KLHL29: variants seen among roughly 807,000 people sequenced by gnomAD.
KLHL29 encodes kelch-like protein 29.
Under a neutral mutation model 80.4 loss-of-function variants are expected in KLHL29, and 21 were observed. The ratio of observed to expected loss-of-function variants is 0.26; its 90% confidence interval spans 0.19 to 0.38. The LOEUF (loss-of-function observed/expected upper bound fraction) is 0.38, where lower values mean the gene tolerates loss of function less well. Ranked by LOEUF, KLHL29 falls within the 10% of genes least tolerant of loss-of-function variation. The pLI, the probability that KLHL29 is intolerant of heterozygous loss-of-function variation, is 1.00. For synonymous variants in KLHL29, 511 were observed against 526.8 expected, an observed-to-expected ratio of 0.97 and a Z score of 0.41; for missense variants, 867 against 1,223.9, an observed-to-expected ratio of 0.71 and a Z score of 4.35.
At chr2:23,686,140 G>A (rs1671247979) in intron 6 of KLHL29, among the ~76,000 whole-genome samples, 1 of 121,592 alleles carries the variant, frequency 8.2e-6, no homozygotes, top group South Asian at 3.3e-4. Flanking sequence ...GGCATGAGTG[G>A]GGAAGGGCAG....
At position 23,695,553 on chromosome 2, in the gene KLHL29, C is replaced by T. The variant is rs934970493; in HGVS notation, c.1543-70C>T. On this transcript the variant is annotated intron_variant, in intron 8 of 13. Coordinates refer to ENST00000486442, the MANE Select transcript of KLHL29 (RefSeq NM_052920.2). This position sits in a 1 kb window ranked among gnomAD's most constrained non-coding sequence, Gnocchi z 7.6. Reference sequence around the variant, plus strand: ...TATCCATTCTTGTGCAGCCCCACACCATTTCTTTCCGTCCGGGAGGTGGCT... The same window carrying T: ...TATCCATTCTTGTGCAGCCCCACACTATTTCTTTCCGTCCGGGAGGTGGCT... 9.3e-7 allele frequency: 1 copy of T among 1,078,538 alleles called. No individual in the cohort carries two copies. The highest frequency in any genetic ancestry group is 1.3e-6 in the Non-Finnish European group (1 of 753,842). The allele number at this position is 1,078,538 out of a possible 1,614,324, so 66.8% of individuals were successfully genotyped here.
intron 5 of KLHL29, among the ~76,000 whole-genome samples, chr2:23,678,161 C>T (rs1670973665): frequency 6.6e-6 from 1 of 152,334 alleles, no homozygotes; most frequent in East Asian, 1.9e-4. Context: ...TTGGCTGCAA[C>T]TTCATCTCCA....
At chr2:23,488,657 A>C (rs1665001538) in intron 2 of KLHL29, among the ~76,000 whole-genome samples, 2 of 152,258 alleles carry the variant, frequency 1.3e-5, no homozygotes, top group South Asian at 4.1e-4. Context: ...TTAAAAGGAC[A>C]CATTAAGACA....
chr2:23,525,805 C>T (rs936657219), intron 2 of KLHL29, among the ~76,000 whole-genome samples: 7 of 150,014 alleles, frequency 4.7e-5, no homozygotes, highest in South Asian at 2.1e-4. Context: ...GTGCGCAGGA[C>T]GCCCAGTTGC....
chr2:23,520,611 G>C (rs1666063724), intron 2 of KLHL29, among the ~76,000 whole-genome samples: 1 of 152,198 alleles, frequency 6.6e-6, no homozygotes, highest in South Asian at 2.1e-4. Flanking sequence ...CCACTGGGAA[G>C]GACAGGCGCA....
chr2:23,706,652 T>C lies in KLHL29; in HGVS notation c.2616T>C (p.Ile872=). ...RHGCVVIKKY[I]QSG ...GCTGCGTCGTGATAAAGAAATATAT[T>C]CAAAGCGGCTGACATCAGCAGAAAG... Residue 872 remains isoleucine (I), a synonymous_variant, in exon 14 of 14, where the codon ATT becomes ATC. Coordinates refer to ENST00000486442, the MANE Select transcript of KLHL29 (RefSeq NM_052920.2). 1 of 1,524,686 alleles carries C rather than the reference T, an allele frequency of 6.6e-7. No individual in the cohort carries two copies. The highest frequency in any genetic ancestry group is 8.8e-7 in the Non-Finnish European group (1 of 1,138,254). The allele number at this position is 1,524,686 out of a possible 1,614,324, so 94.4% of individuals were successfully genotyped here.
chr2:23,426,217 C>T (rs779700379), intron 1 of KLHL29, among the ~76,000 whole-genome samples: 2 of 152,196 alleles, frequency 1.3e-5, no homozygotes, highest in Non-Finnish European at 2.9e-5. Flanking sequence ...CTACTGTACT[C>T]AGGCTCTGCA....
chr2:23,698,066 G>A (rs1267177945), intron 11 of KLHL29: 1 of 152,240 alleles, frequency 6.6e-6, no homozygotes, highest in African/African-American at 2.4e-5. Context: ...ACTAAGCAGT[G>A]AGACAAGCTC....
At chr2:23,479,439 G>A (rs1664726330) in intron 2 of KLHL29, among the ~76,000 whole-genome samples, 1 of 151,974 alleles carries the variant, frequency 6.6e-6, no homozygotes, top group Non-Finnish European at 1.5e-5. Flanking sequence ...CCTGCTTCCT[G>A]TCCATCTTGC....
intron 1 of KLHL29, among the ~76,000 whole-genome samples, chr2:23,438,799 T>C (rs537688349): frequency 3.3e-5 from 5 of 152,276 alleles, no homozygotes; most frequent in Admixed American, 1.3e-4. Flanking sequence ...TGCCAGGCTT[T>C]GGTATCAGGA....
At chr2:23,597,401 ATATATATTTTTTTTTTTTT>A (rs1668449694) in intron 3 of KLHL29, among the ~76,000 whole-genome samples, 1 of 55,300 alleles carries the variant, frequency 1.8e-5, no homozygotes, top group Non-Finnish European at 3.4e-5. Flanking sequence ...ATATATATAT[ATATATATTTTTTTTTTTTT>A]TTTTTTTTTT....
chr2:23,580,616 A>G (rs1367086457), intron 3 of KLHL29, among the ~76,000 whole-genome samples: 1 of 60,034 alleles, frequency 1.7e-5, no homozygotes, highest in Non-Finnish European at 4.4e-5. Context: ...AGGAGGTTGC[A>G]GTGAGCCGAG....
intron 1 of KLHL29, among the ~76,000 whole-genome samples, chr2:23,431,899 C>T (rs1264078230): frequency 5.8e-5 from 5 of 85,504 alleles, no homozygotes; most frequent in African/African-American, 2.4e-4. Context: ...GAGACTCCAT[C>T]TCAAAAAAAA....
intron 2 of KLHL29, among the ~76,000 whole-genome samples, chr2:23,485,032 T>C (rs1200482487): frequency 6.6e-6 from 1 of 152,230 alleles, no homozygotes; most frequent in Non-Finnish European, 1.5e-5. Flanking sequence ...CTTGTAGTAC[T>C]TGCTGCTTCC....
intron 1 of KLHL29, among the ~76,000 whole-genome samples, chr2:23,407,616 AATC>A (rs1666765372): frequency 6.6e-6 from 1 of 151,990 alleles, no homozygotes; most frequent in African/African-American, 2.4e-5. Context: ...TGCTTATACG[AATC>A]ATCAACGTTT....
At chr2:23,676,832 A>C (rs1257559953) in intron 5 of KLHL29, among the ~76,000 whole-genome samples, 1 of 152,184 alleles carries the variant, frequency 6.6e-6, no homozygotes, top group African/African-American at 2.4e-5. Context: ...AGGTCATAGA[A>C]GCCTGCAGGA....
At chr2:23,694,139 A>G (rs1049561109) in intron 8 of KLHL29, among the ~76,000 whole-genome samples, 5 of 152,042 alleles carry the variant, frequency 3.3e-5, no homozygotes, top group African/African-American at 4.8e-5. Flanking sequence ...TGAGCTCCAG[A>G]CCCCTCTGCT....
intron 1 of KLHL29, among the ~76,000 whole-genome samples, chr2:23,448,832 G>A (rs1318091551): frequency 6.6e-6 from 1 of 152,112 alleles, no homozygotes; most frequent in African/African-American, 2.4e-5. Context: ...CCACCGTATG[G>A]CCTCCACCTC....
chr2:23,550,434 G>T, intron 2 of KLHL29, among the ~76,000 whole-genome samples: 1 of 152,162 alleles, frequency 6.6e-6, no homozygotes, highest in East Asian at 1.9e-4. Context: ...CTGGTGAAAG[G>T]TTCGTTCCAC....
Sources: gnomAD v4.1 joint callset for allele counts (sites outside exome capture counted in the v4.1 genomes callset) on GRCh38, gnomAD v4.1.1 for gene constraint, Gnocchi (gnomAD v3.1) non-coding constraint, MANE v1.5 for transcripts, NCBI Gene and HGNC (gene_info 2026-07-23, HGNC 2026-07-21) for gene names.